CALN1: variants seen among roughly 807,000 people sequenced by gnomAD.
CALN1 encodes calcium-binding protein 8.
CALN1 carries 17 observed loss-of-function variants against 30.6 expected under a neutral mutation model. The observed-to-expected ratio is 0.56, with a 90% CI of 0.38 to 0.83. The LOEUF (loss-of-function observed/expected upper bound fraction) is 0.83, where lower values mean the gene tolerates loss of function less well. CALN1 is among the 40% of genes least tolerant of loss of function. The pLI is 0.00. For missense variants in CALN1, 291 were observed against 354.9 expected, an observed-to-expected ratio of 0.82 and a Z score of 1.45; for synonymous variants, 156 against 131.4, an observed-to-expected ratio of 1.19 and a Z score of -1.28.
intron 1 of CALN1, among the ~76,000 whole-genome samples, chr7:72,423,792 G>C (rs1019628435): frequency 6.6e-6 from 1 of 151,082 alleles, no homozygotes; most frequent in African/African-American, 2.4e-5. Flanking sequence ...ACTCCAGCCT[G>C]GGTGACAGAG....
chr7:72,313,025 G>A (rs1800161326), intron 2 of CALN1, among the ~76,000 whole-genome samples: 1 of 152,074 alleles, frequency 6.6e-6, no homozygotes, highest in African/African-American at 2.4e-5. Flanking sequence ...AGTAGAGACA[G>A]GGTTTCACCA....
At chr7:71,990,771 A>G (rs1218987814) in intron 5 of CALN1, among the ~76,000 whole-genome samples, 1 of 152,098 alleles carries the variant, frequency 6.6e-6, no homozygotes, top group African/African-American at 2.4e-5. Flanking sequence ...TACTTTCTTA[A>G]TAACGTTATT....
intron 2 of CALN1, among the ~76,000 whole-genome samples, chr7:72,361,409 G>C (rs1803561844): frequency 6.6e-6 from 1 of 152,186 alleles, no homozygotes; most frequent in Non-Finnish European, 1.5e-5. Context: ...AGGAGGCTGA[G>C]GCAGGAGCAT....
In CALN1 at chr7:71,891,773, G is replaced by A. The variant is rs561571481; in HGVS notation, c.502-81281C>T. Among the ~76,000 whole-genome samples the A allele has an allele frequency of 1.3e-3, 191 of 151,866 alleles. 11 individuals are homozygous for A. The highest frequency in any genetic ancestry group is 1.8e-3 in the East Asian group (9 of 5,136). ...AGTCTGGCTAACATGGTGAAGCCCC[G>A]TCTCTACTAAAAATACAAAAATTAG... On this transcript the variant is annotated intron_variant, in intron 5 of 6. Transcript: ENST00000395275.
chr7:72,393,280 C>G (rs1387144958), intron 2 of CALN1, among the ~76,000 whole-genome samples: 1 of 152,010 alleles, frequency 6.6e-6, no homozygotes, highest in Non-Finnish European at 1.5e-5. Context: ...CTGGCTAACA[C>G]GGTGAAACCC....
chr7:71,862,104 C>T (rs765027021), intron 5 of CALN1, among the ~76,000 whole-genome samples: 8 of 152,198 alleles, frequency 5.3e-5, no homozygotes, highest in East Asian at 3.9e-4. Context: ...CAGAGAATCC[C>T]GAGCCTAATT....
At chr7:72,213,325 CTG>C (rs2129548372) in intron 3 of CALN1, among the ~76,000 whole-genome samples, 1 of 152,338 alleles carries the variant, frequency 6.6e-6, no homozygotes, top group South Asian at 2.1e-4. Flanking sequence ...GAATTATTTG[CTG>C]TGTGTCTTAA....
chr7:72,403,559 G>A (rs1806494382), intron 1 of CALN1, 117 bp from the exon 2 acceptor site: 2 of 473,392 alleles, frequency 4.2e-6, no homozygotes, highest in Admixed American at 3.5e-5. Flanking sequence ...GACAATGGTA[G>A]AAACACAATC....
chr7:71,827,409 T>C (rs1788978952), intron 5 of CALN1, among the ~76,000 whole-genome samples: 1 of 152,158 alleles, frequency 6.6e-6, no homozygotes, highest in African/African-American at 2.4e-5. Flanking sequence ...AAAGGCTACA[T>C]GATGCCTATT....
chr7:72,130,073 C>A (rs1312830217), intron 3 of CALN1, among the ~76,000 whole-genome samples: 1 of 152,158 alleles, frequency 6.6e-6, no homozygotes, highest in Non-Finnish European at 1.5e-5. Flanking sequence ...CCCCACCCCC[C>A]ACCAGGCTTC....
At chr7:72,502,493 T>C in the CALN1 span, among the ~76,000 whole-genome samples, 3 of 151,626 alleles carry the variant, frequency 2.0e-5, no homozygotes, top group African/African-American at 7.3e-5. Flanking sequence ...ACATTTTAAA[T>C]AGACTTCCCC....
chr7:72,228,739 A>T (rs1017646819), intron 3 of CALN1, among the ~76,000 whole-genome samples: 11 of 149,364 alleles, frequency 7.4e-5, no homozygotes, highest in South Asian at 4.3e-4. Flanking sequence ...CCTTATTTAT[A>T]TATTTATTTA....
rs377531499 is a variant in CALN1, at chr7:71,847,805, A to G, written c.502-37313T>C. 1.5e-3 allele frequency among the ~76,000 whole-genome samples: 191 copies of G among 124,464 alleles called. 1 individual carries two copies. Among genetic ancestry groups the G allele is most frequent in the Admixed American group, 5.6e-3 (65 of 11,608 alleles). The allele number at this position is 124,464 out of a possible 152,430, so 81.7% of individuals were successfully genotyped here. A position where few individuals can be genotyped will look rare whatever the true frequency, so the allele number is the denominator to read the frequency against. Reference sequence around the variant, plus strand: ...AAGAAGAAGAAGAAGAAAAGAAGAAAAGAAGGAGAAGGAGAAGGAGAAGGA... The same window carrying G: ...AAGAAGAAGAAGAAGAAAAGAAGAAGAGAAGGAGAAGGAGAAGGAGAAGGA... On this transcript the variant is annotated intron_variant, in intron 5 of 6. Transcript: ENST00000395275.
the CALN1 span, among the ~76,000 whole-genome samples, chr7:72,500,237 T>C: frequency 1.4e-5 from 2 of 147,206 alleles, no homozygotes; most frequent in African/African-American, 5.0e-5. Flanking sequence ...TGTGTCTCTT[T>C]TGTGGGTCTC....
chr7:72,367,747 A>G (rs1389385078), intron 2 of CALN1, among the ~76,000 whole-genome samples: 2 of 151,482 alleles, frequency 1.3e-5, no homozygotes, highest in African/African-American at 4.8e-5. Flanking sequence ...AGGCAAGGGG[A>G]TCGCTTGAGC....
At chr7:72,155,491 C>CA (rs796507891) in intron 3 of CALN1, among the ~76,000 whole-genome samples, 8,658 of 103,838 alleles carry the variant, frequency 0.083, 836 homozygotes, top group African/African-American at 0.26. Context: ...GACTCTGTCT[C>CA]AAAAAAAAAA....
chr7:72,500,790 T>C, the CALN1 span, among the ~76,000 whole-genome samples: 2 of 152,184 alleles, frequency 1.3e-5, no homozygotes, highest in Non-Finnish European at 2.9e-5. Context: ...TATTTTTAAT[T>C]TTTTTGTTTA....
chr7:71,981,349 C>A (rs35928775), intron 5 of CALN1, among the ~76,000 whole-genome samples: 4,960 of 152,048 alleles, frequency 0.033, 437 homozygotes, highest in East Asian at 0.21. Context: ...CCCTGGGGGA[C>A]AAAATGCTGA....
intron 5 of CALN1, among the ~76,000 whole-genome samples, chr7:71,907,808 G>A (rs1794221689): frequency 6.6e-6 from 1 of 152,214 alleles, no homozygotes; most frequent in South Asian, 2.1e-4. Flanking sequence ...TTTGTAATGT[G>A]CAGAGCACAC....
Sources: allele counts gnomAD v4.1 joint callset (sites outside exome capture counted in the v4.1 genomes callset), GRCh38; gene constraint gnomAD v4.1.1; transcripts MANE v1.5; gene names NCBI Gene and HGNC (gene_info 2026-07-23, HGNC 2026-07-21).